Variants in CSK observed in about 807,000 individuals in gnomAD.
CSK encodes the protein C-terminal Src kinase.
CSK carries 7 observed loss-of-function variants against 62.3 expected under a neutral mutation model. The observed-to-expected ratio is 0.11, with a 90% CI of 0.06 to 0.21. The LOEUF is 0.21. CSK is among the 10% of genes least tolerant of loss of function. CSK has a pLI of 1.00. For synonymous variants in CSK, 237 were observed against 246.0 expected (o/e 0.96, Z 0.34); for missense variants, 294 against 613.5 (o/e 0.48, Z 5.50).
At position 74,798,197 on chromosome 15, in the gene CSK, C is replaced by G; in HGVS notation, c.-65-36C>G. The G allele has an allele frequency of 7.4e-7, 1 of 1,353,334 alleles. No homozygotes were observed. The highest frequency in any genetic ancestry group is 1.0e-6 in the Non-Finnish European group (1 of 998,628). The allele number at this position is 1,353,334 out of a possible 1,614,324, so 83.8% of individuals were successfully genotyped here. On this transcript the variant is annotated intron_variant, in intron 1 of 12. Transcript: ENST00000220003. The surrounding 1 kb of genome is among the most constrained non-coding windows in gnomAD (Gnocchi z 6.6). ...TCTCAGCAGTTGGGGGGCATTTCTTCACACCCCTCCTCAGTCTTCATGCTC... is the reference window on the plus strand; with the variant it reads ...TCTCAGCAGTTGGGGGGCATTTCTTGACACCCCTCCTCAGTCTTCATGCTC...
At chr15:74,800,292 C>A (rs936201851) in intron 5 of CSK, 120 bp from the exon 6 acceptor site, 11 of 811,262 alleles carry the variant, frequency 1.4e-5, no homozygotes, top group South Asian at 6.0e-5. Context: ...GAGCCCTCCC[C>A]ACTCAGTGAC....
chr15:74,784,869 G>A (rs1490767435), intron 1 of CSK, among the ~76,000 whole-genome samples: 1 of 152,314 alleles, frequency 6.6e-6, no homozygotes, highest in Non-Finnish European at 1.5e-5. Context: ...TGTTGACTGA[G>A]TCTGGGAAAG....
intron 8 of CSK, 43 bp downstream of exon 8, chr15:74,800,965 A>G (rs748077933): frequency 1.2e-6 from 2 of 1,612,782 alleles, no homozygotes; most frequent in Non-Finnish European, 1.7e-6. Flanking sequence ...CTAGGTTAGG[A>G]GTGAGGCACC....
chr15:74,786,002 C>CTCTTTTTTTTT (rs397829139), intron 1 of CSK, among the ~76,000 whole-genome samples: 3 of 73,628 alleles, frequency 4.1e-5, no homozygotes, highest in South Asian at 4.9e-4. Context: ...CTCTCTCTCT[C>CTCTTTTTTTTT]TTTTTTTTTT....
chr15:74,794,998 T>C (rs2063683426), intron 1 of CSK, among the ~76,000 whole-genome samples: 2 of 152,194 alleles, frequency 1.3e-5, no homozygotes, highest in African/African-American at 4.8e-5. Flanking sequence ...CAAGGTGGAC[T>C]CTGGAAGTGT....
chr15:74,785,567 G>C (rs1425814504), intron 1 of CSK, among the ~76,000 whole-genome samples: 1 of 152,228 alleles, frequency 6.6e-6, no homozygotes, highest in Non-Finnish European at 1.5e-5. Context: ...ACCTACTTCA[G>C]AGGAAGGTGT....
intron 1 of CSK, among the ~76,000 whole-genome samples, chr15:74,789,081 A>G (rs1160447333): frequency 2.0e-5 from 3 of 152,198 alleles, no homozygotes; most frequent in African/African-American, 7.2e-5. Context: ...CCTCTCCCAA[A>G]CCACTAGACG....
Position 74,801,887 on chromosome 15 carries a change from G to C in CSK, c.1080G>C (p.Glu360Asp). Residue 360 changes from glutamate (E) to aspartate (D), a missense_variant, in exon 11 of 13, where the codon GAG becomes GAC. This residue lies in a region of CSK where 26 missense variants were observed against 98.4 expected (regional missense o/e 0.26). Transcript: ENST00000220003. Reference sequence around the variant, plus strand: ...GGACAGCCCCTGAGGCCCTGAGAGAGAAGGTGGGGCTGGCCTCCCCTGGGG... The same window carrying C: ...GGACAGCCCCTGAGGCCCTGAGAGACAAGGTGGGGCTGGCCTCCCCTGGGG... ...VKWTAPEALR[E>D]KKFSTKSDVW... 6.2e-7 allele frequency: 1 copy of C among 1,610,524 alleles called. No individual in the cohort carries two copies. The highest frequency in any genetic ancestry group is 8.5e-7 in the Non-Finnish European group (1 of 1,177,372).
chr15:74,786,096 G>C (rs2063518887), intron 1 of CSK, among the ~76,000 whole-genome samples: 1 of 148,152 alleles, frequency 6.7e-6, no homozygotes, highest in African/African-American at 2.5e-5. Flanking sequence ...CGCGATCTTG[G>C]CTCACCACAA....
At chr15:74,783,499 G>A (rs369702621) in intron 1 of CSK, among the ~76,000 whole-genome samples, 1 of 152,196 alleles carries the variant, frequency 6.6e-6, no homozygotes, top group South Asian at 2.1e-4. Flanking sequence ...GGGAGAAGTT[G>A]CTACCCCAGG....
chr15:74,782,909 G>A lies in CSK; in HGVS notation c.-66+189G>A, dbSNP rs1358919302. 5.9e-5 allele frequency among the ~76,000 whole-genome samples: 9 copies of A among 152,244 alleles called. No homozygotes were observed. Among genetic ancestry groups the A allele is most frequent in the Non-Finnish European group, 1.2e-4 (8 of 68,036 alleles). On this transcript the variant is annotated intron_variant, in intron 1 of 12. Transcript: ENST00000220003. The surrounding 1 kb of genome is among the most constrained non-coding windows in gnomAD (Gnocchi z 5.7). Reference sequence around the variant, plus strand: ...CCACTGTCAGAACCCAAATTGGAAGGGAGTGCATGAGGGAGGTACTGCCCT... The same window carrying A: ...CCACTGTCAGAACCCAAATTGGAAGAGAGTGCATGAGGGAGGTACTGCCCT...
At chr15:74,797,105 C>G (rs2063718325) in intron 1 of CSK, among the ~76,000 whole-genome samples, 1 of 152,072 alleles carries the variant, frequency 6.6e-6, no homozygotes, top group South Asian at 2.1e-4. Flanking sequence ...CCACCCCCGG[C>G]TAATTTTTGT....
intron 1 of CSK, among the ~76,000 whole-genome samples, chr15:74,791,896 C>T (rs980635372): frequency 6.6e-5 from 10 of 152,158 alleles, no homozygotes; most frequent in Non-Finnish European, 1.0e-4. Context: ...CACTTGGTTC[C>T]GGGGTTGTCC....
rs2063753222 is a variant in CSK, at chr15:74,799,294, C to T, written c.265C>T (p.Arg89Trp). 2 of 1,610,548 alleles carry T rather than the reference C, an allele frequency of 1.2e-6. No individual in the cohort carries two copies. The highest frequency in any genetic ancestry group is 1.3e-5 in the African/African-American group (1 of 74,866). Residue 89 changes from arginine (R) to tryptophan (W), a missense_variant, in exon 5 of 13, where the codon CGG becomes TGG. Physicochemically the swap from Arg to Trp is moderately radical, Grantham distance 101. This residue lies in a region of CSK where 202 missense variants were observed against 415.7 expected (regional missense o/e 0.49). Coordinates refer to ENST00000220003, the MANE Select transcript of CSK (RefSeq NM_004383.3). ...LMPWFHGKITREQAERLLYPP... is the reference protein window; with the variant it reads ...LMPWFHGKITWEQAERLLYPP... ...CAGTTGGTTCCACGGCAAGATCACA[C>T]GGGAGCAGGCTGAGCGGCTTCTGTA...
At position 74,799,083 on chromosome 15, in the gene CSK, C is replaced by T. The variant is rs1201339829; in HGVS notation, c.242+145C>T. ...GGTGCAGGGTGCGGGTGCGGGACCTCACAGAGCAGGGCTGGGGGCAGAGGC... is the reference window on the plus strand; with the variant it reads ...GGTGCAGGGTGCGGGTGCGGGACCTTACAGAGCAGGGCTGGGGGCAGAGGC... On this transcript the variant is annotated intron_variant, in intron 4 of 12. Coordinates refer to ENST00000220003, the MANE Select transcript of CSK (RefSeq NM_004383.3). The T allele has an allele frequency of 1.2e-5, 12 of 968,178 alleles. No homozygotes were observed. In the Admixed American group the frequency reaches 3.4e-4, roughly 28 times the overall value. 60.0% of individuals were successfully genotyped at this position (968,178 alleles called of 1,614,324 possible).
Position 74,784,915 on chromosome 15 carries a change from C to T in CSK, c.-66+2195C>T, listed in dbSNP as rs185240482. Reference sequence around the variant, plus strand: ...GACAGATTCTCATATGTCTGAGGGACTGTCCCAAATGAGAAAGGCATCCCA... The same window carrying T: ...GACAGATTCTCATATGTCTGAGGGATTGTCCCAAATGAGAAAGGCATCCCA... On this transcript the variant is annotated intron_variant, in intron 1 of 12. Coordinates refer to ENST00000220003, the MANE Select transcript of CSK (RefSeq NM_004383.3). 1.9e-3 allele frequency among the ~76,000 whole-genome samples: 293 copies of T among 152,260 alleles called. 3 individuals carry two copies. Among genetic ancestry groups the T allele is most frequent in the African/African-American group, 7.0e-3 (289 of 41,542 alleles).
In CSK at chr15:74,802,617, G is replaced by T. The variant is rs770355138; in HGVS notation, c.*104G>T. ...GCCCGAGCCTGAACTGAGCCCCAGCGGGCTGGCGGGCCTTTTTCCTGCGTC... is the reference window on the plus strand; with the variant it reads ...GCCCGAGCCTGAACTGAGCCCCAGCTGGCTGGCGGGCCTTTTTCCTGCGTC... On this transcript the variant is annotated 3_prime_UTR_variant, in exon 13 of 13. Transcript: ENST00000220003. 1.4e-6 allele frequency: 2 copies of T among 1,428,390 alleles called. No homozygotes were observed. Among genetic ancestry groups the T allele is most frequent in the African/African-American group, 2.9e-5 (2 of 68,450 alleles). The allele number at this position is 1,428,390 out of a possible 1,614,324, so 88.5% of individuals were successfully genotyped here.
In CSK at chr15:74,798,565, G is replaced by A. The variant is rs1435230267; in HGVS notation, c.16-50G>A. ...TGACCACGAGGGTGCGCCAGCAGGT[G>A]GCTGGAGGGGGCCCAGGCTGCACCC... On this transcript the variant is annotated intron_variant, in intron 2 of 12. Transcript: ENST00000220003. This position sits in a 1 kb window ranked among gnomAD's most constrained non-coding sequence, Gnocchi z 6.6. 2.0e-6 allele frequency: 3 copies of A among 1,528,474 alleles called. No homozygotes were observed. The highest frequency in any genetic ancestry group is 1.7e-5 in the Admixed American group (1 of 58,758). The allele number at this position is 1,528,474 out of a possible 1,614,324, so 94.7% of individuals were successfully genotyped here. A position where few individuals can be genotyped will look rare whatever the true frequency, so the allele number is the denominator to read the frequency against.
At position 74,801,608 on chromosome 15, in the gene CSK, GC is replaced by G; in HGVS notation, c.887+15del. 6.2e-7 allele frequency: 1 copy of G among 1,613,688 alleles called. No homozygotes were observed. The highest frequency in any genetic ancestry group is 8.5e-7 in the Non-Finnish European group (1 of 1,179,720). On this transcript the variant is annotated intron_variant, in intron 10 of 12. Transcript: ENST00000220003. ...TCAAGTTCTCGCTGTGAGTGAAGCA[GC>G]CTCTTGGATGGGTAGGGTTTGAGGG...
Sources: gnomAD v4.1 joint callset for allele counts (sites outside exome capture counted in the v4.1 genomes callset) on GRCh38, gnomAD v4.1.1 for gene constraint, gnomAD v4.1.1 regional missense constraint, Gnocchi (gnomAD v3.1) non-coding constraint, MANE v1.5 for transcripts, NCBI Gene and HGNC (gene_info 2026-07-23, HGNC 2026-07-21) for gene names.